Variants in AHCYL2 observed in about 807,000 individuals in gnomAD.
AHCYL2 encodes S-adenosylhomocysteine hydrolase-like protein 2.
AHCYL2 carries 28 observed loss-of-function variants against 81.4 expected under a neutral mutation model. The observed-to-expected ratio is 0.34, with a 90% CI of 0.25 to 0.47. AHCYL2 has a LOEUF of 0.47. Among genes scored for constraint, AHCYL2 ranks in the 20% least tolerant of loss-of-function variants. The pLI is 1.00. For synonymous variants in AHCYL2, 272 were observed against 290.2 expected, an observed-to-expected ratio of 0.94 and a Z score of 0.64; for missense variants, 551 against 785.1, an observed-to-expected ratio of 0.70 and a Z score of 3.56.
intron 1 of AHCYL2, among the ~76,000 whole-genome samples, chr7:129,352,937 C>CTTTTTTTT (rs59762582): frequency 5.3e-4 from 44 of 82,536 alleles, no homozygotes; most frequent in East Asian, 7.5e-4. Flanking sequence ...CCTCCTCATT[C>CTTTTTTTT]TTTTTTTTTT....
rs1470011540 is a variant in AHCYL2 at position 129,427,148 on chromosome 7, T to C, written c.*103T>C. 11 of 1,192,936 alleles carry C rather than the reference T, an allele frequency of 9.2e-6. No individual in the cohort carries two copies. Among genetic ancestry groups the C allele is most frequent in the Non-Finnish European group, 1.4e-5 (11 of 811,390 alleles). The allele number at this position is 1,192,936 out of a possible 1,614,324, so 73.9% of individuals were successfully genotyped here. A position where few individuals can be genotyped will look rare whatever the true frequency, so the allele number is the denominator to read the frequency against. ...AGCAAGCTGCTTCTCCAATCAAAGC[T>C]GCCTGCCGTGCTCACCCTGTGTGTT... On this transcript the variant is annotated 3_prime_UTR_variant, in exon 17 of 17. Transcript: ENST00000325006. This position sits in a 1 kb window ranked among gnomAD's most constrained non-coding sequence, Gnocchi z 5.5.
At chr7:129,365,425 C>T (rs1164838223) in intron 1 of AHCYL2, among the ~76,000 whole-genome samples, 1 of 151,992 alleles carries the variant, frequency 6.6e-6, no homozygotes, top group East Asian at 1.9e-4. Context: ...AAAATCCTTG[C>T]ATCAGTCCTG....
chr7:129,389,317 A>T lies in AHCYL2; in HGVS notation c.619+118A>T, dbSNP rs1257342689. 10 of 1,267,206 alleles carry T rather than the reference A, an allele frequency of 7.9e-6. No homozygotes were observed. The Admixed American group carries it at 2.4e-4, about 30-fold the overall frequency. 78.5% of individuals were successfully genotyped at this position (1,267,206 alleles called of 1,614,324 possible). On this transcript the variant is annotated intron_variant, in intron 3 of 16. Transcript: ENST00000325006. ...AAATTTCTATGTGATAAGAATACTT[A>T]TAACAAAAGAAATGTGAGTTCAAGA...
chr7:129,269,308 CAG>C (rs2150726238), intron 1 of AHCYL2, among the ~76,000 whole-genome samples: 1 of 151,190 alleles, frequency 6.6e-6, no homozygotes, highest in South Asian at 2.1e-4. Context: ...TTTTTTGAGA[CAG>C]AGTCTTGCTC....
chr7:129,363,257 G>T (rs1793996612), intron 1 of AHCYL2, among the ~76,000 whole-genome samples: 1 of 152,152 alleles, frequency 6.6e-6, no homozygotes, highest in Non-Finnish European at 1.5e-5. Context: ...CTGGCTATAG[G>T]TGTATCTTCT....
At chr7:129,408,801 G>A (rs984201082) in intron 10 of AHCYL2, among the ~76,000 whole-genome samples, 1 of 152,226 alleles carries the variant, frequency 6.6e-6, no homozygotes, top group Non-Finnish European at 1.5e-5. Flanking sequence ...AAGTTGAGGA[G>A]AGGCAATTAA....
chr7:129,311,349 T>C (rs1797650747), intron 1 of AHCYL2, among the ~76,000 whole-genome samples: 1 of 152,238 alleles, frequency 6.6e-6, no homozygotes, highest in Admixed American at 6.5e-5. Flanking sequence ...AGTCCTTGAA[T>C]AAGTTCATCT....
At chr7:129,256,729 G>T (rs989876692) in intron 1 of AHCYL2, among the ~76,000 whole-genome samples, 17 of 151,476 alleles carry the variant, frequency 1.1e-4, no homozygotes, top group African/African-American at 3.9e-4. Flanking sequence ...GGGTATATCT[G>T]TTGAACACCT....
At chr7:129,226,583 C>T (rs767921563) in intron 1 of AHCYL2, among the ~76,000 whole-genome samples, 1 of 152,152 alleles carries the variant, frequency 6.6e-6, no homozygotes, top group Non-Finnish European at 1.5e-5. Context: ...GTGGGACCAG[C>T]TGAATTGGAA....
intron 11 of AHCYL2, among the ~76,000 whole-genome samples, chr7:129,411,137 T>G (rs58080853): frequency 0.013 from 2,023 of 152,202 alleles, 44 homozygotes; most frequent in African/African-American, 0.047. Context: ...CACATTTAAA[T>G]TGTTCACTGT....
At chr7:129,353,135 A>G (rs1370316953) in intron 1 of AHCYL2, among the ~76,000 whole-genome samples, 1 of 151,956 alleles carries the variant, frequency 6.6e-6, no homozygotes, top group African/African-American at 2.4e-5. Flanking sequence ...TTTAGTAGAG[A>G]TGGGGTTTCA....
intron 1 of AHCYL2, among the ~76,000 whole-genome samples, chr7:129,228,211 A>T (rs1794295861): frequency 6.6e-6 from 1 of 152,208 alleles, no homozygotes; most frequent in Non-Finnish European, 1.5e-5. Context: ...TTTAACTTTC[A>T]TGTATAAACA....
chr7:129,230,708 G>T (rs1293652106), intron 1 of AHCYL2, among the ~76,000 whole-genome samples: 1 of 151,812 alleles, frequency 6.6e-6, no homozygotes, highest in Non-Finnish European at 1.5e-5. Flanking sequence ...GAGTAGCTGG[G>T]ACTACAGGTG....
chr7:129,247,448 A>T (rs1000886962), intron 1 of AHCYL2, among the ~76,000 whole-genome samples: 6 of 152,186 alleles, frequency 3.9e-5, no homozygotes, highest in Non-Finnish European at 7.3e-5. Context: ...TTTATACAGC[A>T]TGTTCTGAAT....
At chr7:129,372,550 G>A (rs1177814371) in intron 1 of AHCYL2, among the ~76,000 whole-genome samples, 4 of 152,146 alleles carry the variant, frequency 2.6e-5, no homozygotes, top group African/African-American at 9.7e-5. Flanking sequence ...CCTCATGCCT[G>A]TAATCCCAGC....
At chr7:129,378,338 G>A (rs1794789386) in intron 1 of AHCYL2, among the ~76,000 whole-genome samples, 1 of 151,976 alleles carries the variant, frequency 6.6e-6, no homozygotes, top group African/African-American at 2.4e-5. Context: ...TTACTTACTA[G>A]TACTGGAAAG....
chr7:129,386,478 G>A (rs1306960263), intron 2 of AHCYL2, among the ~76,000 whole-genome samples: 2 of 151,894 alleles, frequency 1.3e-5, no homozygotes, highest in African/African-American at 4.8e-5. Flanking sequence ...AAAAAAAAGG[G>A]ATCTTTGAAA....
At chr7:129,256,688 C>G (rs967007364) in intron 1 of AHCYL2, among the ~76,000 whole-genome samples, 1 of 151,648 alleles carries the variant, frequency 6.6e-6, no homozygotes, top group African/African-American at 2.4e-5. Flanking sequence ...AATATTTTGC[C>G]CTTACAATCA....
At chr7:129,316,570 T>C (rs1328059652) in intron 1 of AHCYL2, among the ~76,000 whole-genome samples, 1 of 152,186 alleles carries the variant, frequency 6.6e-6, no homozygotes, top group Non-Finnish European at 1.5e-5. Flanking sequence ...AATATTTTGG[T>C]CTTGTGAATA....
Sources: allele counts gnomAD v4.1 joint callset (sites outside exome capture counted in the v4.1 genomes callset), GRCh38; gene constraint gnomAD v4.1.1; non-coding constraint Gnocchi (gnomAD v3.1); transcripts MANE v1.5; gene names NCBI Gene and HGNC (gene_info 2026-07-23, HGNC 2026-07-21).